The following DEPTOR variants were observed in gnomAD, a reference collection of about 807,000 sequenced individuals.
DEPTOR encodes the protein DEP domain-containing mTOR-interacting protein.
Under a neutral mutation model 41.6 loss-of-function variants are expected in DEPTOR, and 41 were observed. The observed-to-expected ratio is 0.98, with a 90% confidence interval of 0.77 to 1.28. The LOEUF is 1.28. Among genes scored for constraint, DEPTOR ranks in the 50% most tolerant of loss-of-function variants. DEPTOR has a pLI of 0.00. For missense variants in DEPTOR, 514 were observed against 527.9 expected (o/e 0.97, Z 0.26); for synonymous variants, 195 against 192.3 (o/e 1.01, Z -0.12).
At chr8:119,970,108 GAT>G (rs57528009) in intron 4 of DEPTOR, among the ~76,000 whole-genome samples, 1 of 151,572 alleles carries the variant, frequency 6.6e-6, no homozygotes, top group Non-Finnish European at 1.5e-5. Context: ...TATTTATGTG[GAT>G]ATATATATAT....
intron 4 of DEPTOR, among the ~76,000 whole-genome samples, chr8:119,992,043 A>G (rs1218769679): frequency 6.6e-6 from 1 of 152,212 alleles, no homozygotes; most frequent in Non-Finnish European, 1.5e-5. Flanking sequence ...CTCACCTTCT[A>G]GAAACACCAA....
intron 3 of DEPTOR, among the ~76,000 whole-genome samples, chr8:119,931,204 T>C (rs56864850): frequency 0.5 from 75,577 of 151,626 alleles, 20,435 homozygotes; most frequent in African/African-American, 0.69. Context: ...GAGTGAGACA[T>C]CATCTCAAAA....
intron 1 of DEPTOR, among the ~76,000 whole-genome samples, chr8:119,894,941 C>T (rs576941854): frequency 6.6e-6 from 1 of 152,282 alleles, no homozygotes; most frequent in East Asian, 1.9e-4. Context: ...GACATTTGTA[C>T]CACACGAGGC....
At chr8:119,990,091 G>T (rs183396644) in intron 4 of DEPTOR, among the ~76,000 whole-genome samples, 1 of 152,218 alleles carries the variant, frequency 6.6e-6, no homozygotes, top group African/African-American at 2.4e-5. Flanking sequence ...CCCTTGTTCT[G>T]CATGTTATCA....
At chr8:119,958,099 T>G (rs895714696) in intron 3 of DEPTOR, among the ~76,000 whole-genome samples, 1 of 152,228 alleles carries the variant, frequency 6.6e-6, no homozygotes, top group Non-Finnish European at 1.5e-5. Context: ...CAAGTCATAC[T>G]AAGATTTAGC....
At chr8:119,974,561 C>A (rs555410829) in intron 4 of DEPTOR, among the ~76,000 whole-genome samples, 17 of 152,152 alleles carry the variant, frequency 1.1e-4, no homozygotes, top group African/African-American at 3.4e-4. Context: ...CACTTGAGGC[C>A]AAGAGTTCTA....
intron 1 of DEPTOR, among the ~76,000 whole-genome samples, chr8:119,892,522 G>C (rs1389963467): frequency 6.6e-6 from 1 of 152,160 alleles, no homozygotes; most frequent in Non-Finnish European, 1.5e-5. Context: ...TATGAAATGG[G>C]TAGCACGTGT....
chr8:120,040,777 A>G (rs1813056034), intron 8 of DEPTOR, among the ~76,000 whole-genome samples: 1 of 152,230 alleles, frequency 6.6e-6, no homozygotes, highest in Non-Finnish European at 1.5e-5. Flanking sequence ...GATACCTAGT[A>G]GGGACGTGTA....
intron 4 of DEPTOR, among the ~76,000 whole-genome samples, chr8:120,000,991 C>T (rs1292962302): frequency 7.9e-5 from 12 of 151,776 alleles, no homozygotes; most frequent in East Asian, 5.9e-4. Flanking sequence ...ACAGGAGAAT[C>T]GCTTGAACCT....
chr8:119,911,984 T>C (rs1827750750), intron 1 of DEPTOR, among the ~76,000 whole-genome samples: 1 of 152,222 alleles, frequency 6.6e-6, no homozygotes, highest in African/African-American at 2.4e-5. Context: ...GATAGTTTTT[T>C]ACTCATCAAA....
At chr8:120,031,327 T>C (rs947313499) in intron 8 of DEPTOR, among the ~76,000 whole-genome samples, 3 of 152,062 alleles carry the variant, frequency 2.0e-5, no homozygotes, top group African/African-American at 4.8e-5. Flanking sequence ...TAGCCAAGTG[T>C]GGTGGTGTGC....
chr8:120,048,956 T>A (rs1813192198), intron 8 of DEPTOR, among the ~76,000 whole-genome samples: 1 of 152,168 alleles, frequency 6.6e-6, no homozygotes, highest in African/African-American at 2.4e-5. Flanking sequence ...AGCTTTCCAA[T>A]ACTCTTCCCA....
intron 8 of DEPTOR, among the ~76,000 whole-genome samples, chr8:120,014,028 GGGGTTTCACCATGTT>G (rs1812572995): frequency 6.6e-6 from 1 of 152,000 alleles, no homozygotes; most frequent in East Asian, 1.9e-4. Context: ...TAGTAGAAAC[GGGGTTTCACCATGTT>G]GGCTAGGCTT....
chr8:120,019,929 G>A (rs111617525), intron 8 of DEPTOR, among the ~76,000 whole-genome samples: 3,281 of 152,074 alleles, frequency 0.022, 45 homozygotes, highest in Middle Eastern at 0.037. Flanking sequence ...CACACTGCTC[G>A]TTACTGAGGA....
intron 8 of DEPTOR, among the ~76,000 whole-genome samples, chr8:120,014,336 C>T (rs574295086): frequency 8.5e-4 from 129 of 152,138 alleles, no homozygotes; most frequent in Non-Finnish European, 1.4e-3. Flanking sequence ...AAGGAGCAAA[C>T]GAGAGAAGGA....
intron 3 of DEPTOR, among the ~76,000 whole-genome samples, chr8:119,952,855 C>A (rs77321998): frequency 0.021 from 3,231 of 152,250 alleles, 115 homozygotes; most frequent in African/African-American, 0.074. Context: ...GTCTGATATG[C>A]AGGCTGGTGA....
intron 3 of DEPTOR, among the ~76,000 whole-genome samples, chr8:119,948,967 A>G (rs959469972): frequency 6.6e-6 from 1 of 152,056 alleles, no homozygotes; most frequent in Non-Finnish European, 1.5e-5. Context: ...TTGTAACTTT[A>G]GTAGAGACAG....
chr8:120,047,628 C>T (rs1389042062), intron 8 of DEPTOR, among the ~76,000 whole-genome samples: 4 of 151,850 alleles, frequency 2.6e-5, no homozygotes, highest in Admixed American at 1.3e-4. Context: ...CCACCTGCCT[C>T]GGCCTCCCAA....
intron 1 of DEPTOR, 62 bp from the exon 2 acceptor site, chr8:119,928,338 A>G (rs1432856353): frequency 3.2e-6 from 5 of 1,541,028 alleles, no homozygotes; most frequent in Non-Finnish European, 4.4e-6. Flanking sequence ...ACTGTCTGGG[A>G]TTGGTTTAAT....
Sources: allele counts gnomAD v4.1 joint callset (sites outside exome capture counted in the v4.1 genomes callset), GRCh38; gene constraint gnomAD v4.1.1; transcripts MANE v1.5; gene names NCBI Gene and HGNC (gene_info 2026-07-23, HGNC 2026-07-21).